ASXL2: variants seen among roughly 807,000 people sequenced by gnomAD.
ASXL2 encodes the protein putative Polycomb group protein ASXL2.
A neutral mutation model predicts 122.0 loss-of-function variants in ASXL2; 23 were observed. The observed-to-expected ratio is 0.19, with a 90% CI of 0.14 to 0.27. The LOEUF (loss-of-function observed/expected upper bound fraction) is 0.27, where lower values mean the gene tolerates loss of function less well. Ranked by LOEUF, ASXL2 falls within the 10% of genes least tolerant of loss-of-function variation. The pLI is 1.00. For missense variants in ASXL2, 1,518 were observed against 1,713.8 expected (o/e 0.89, Z 2.02); for synonymous variants, 650 against 637.0 (o/e 1.02, Z -0.31).
At chr2:25,768,956 C>CCTAA in intron 6 of ASXL2, 88 bp from the exon 7 acceptor site, 11 of 1,396,396 alleles carry the variant, frequency 7.9e-6, no homozygotes, top group Non-Finnish European at 9.6e-6. Flanking sequence ...TGGCAAGAAG[C>CCTAA]ATGCTGATCG....
Position 25,771,458 on chromosome 2 carries a change from G to A in ASXL2, c.486C>T (p.Ser162=). 6.2e-7 allele frequency: 1 copy of A among 1,613,310 alleles called. No individual in the cohort carries two copies. The highest frequency in any genetic ancestry group is 8.5e-7 in the Non-Finnish European group (1 of 1,179,460). Reference sequence around the variant, plus strand: ...TGCTTACCTGCTTTAGTGCCTTCTTGCTGTGCTTCTGTGATGGAGAAATGA... The same window carrying A: ...TGCTTACCTGCTTTAGTGCCTTCTTACTGTGCTTCTGTGATGGAGAAATGA... ...GKVISPSQKH[S]KKALKQALKQ... Residue 162 remains serine, a synonymous_variant, in exon 6 of 13, where the codon AGC becomes AGT. Transcript: ENST00000435504.
Position 25,739,369 on chromosome 2 carries a change from G to GT in ASXL2, c.*2659dup, listed in dbSNP as rs776553926. On this transcript the variant is annotated 3_prime_UTR_variant, in exon 13 of 13. Coordinates refer to ENST00000435504, the MANE Select transcript of ASXL2 (RefSeq NM_018263.6). ...TTTCTAAAAGGCCAGATTGTAATGT[G>GT]TTTTTTTTTTTTTTAATTTTTCTGT... 10,693 of 157,988 alleles carry GT rather than the reference G, an allele frequency of 0.068. 292 individuals are homozygous for GT. Among genetic ancestry groups the GT allele is most frequent in the African/African-American group, 0.11 (4,322 of 39,482 alleles). 9.8% of individuals were successfully genotyped at this position (157,988 alleles called of 1,614,324 possible).
chr2:25,814,205 C>A (rs1341972304), intron 3 of ASXL2, among the ~76,000 whole-genome samples: 1 of 152,002 alleles, frequency 6.6e-6, no homozygotes, highest in African/African-American at 2.4e-5. Flanking sequence ...TAGGCATGAT[C>A]TCAGGAAAAT....
intron 5 of ASXL2, among the ~76,000 whole-genome samples, chr2:25,797,228 C>T (rs535417509): frequency 2.0e-5 from 3 of 152,022 alleles, no homozygotes; most frequent in South Asian, 4.2e-4. Context: ...GGGTGGATCA[C>T]GAGGTCAGGA....
chr2:25,758,817 T>C (rs2088186345), intron 9 of ASXL2, among the ~76,000 whole-genome samples: 1 of 152,184 alleles, frequency 6.6e-6, no homozygotes, highest in East Asian at 1.9e-4. Flanking sequence ...GTTCATACCA[T>C]GTTGTATTGT....
chr2:25,785,368 G>A (rs940058893), intron 5 of ASXL2, among the ~76,000 whole-genome samples: 4 of 151,910 alleles, frequency 2.6e-5, no homozygotes, highest in African/African-American at 9.7e-5. Flanking sequence ...GGGATTACAG[G>A]CACCCGCCTC....
At chr2:25,769,866 T>C (rs372871680) in intron 6 of ASXL2, among the ~76,000 whole-genome samples, 15 of 152,216 alleles carry the variant, frequency 9.9e-5, no homozygotes, top group African/African-American at 3.1e-4. Flanking sequence ...GGCTATGCTA[T>C]AGGCACAGTG....
intron 5 of ASXL2, 122 bp from the exon 6 acceptor site, chr2:25,771,662 G>T: frequency 1.3e-6 from 1 of 766,930 alleles, no homozygotes; most frequent in Non-Finnish European, 2.0e-6. Flanking sequence ...TGGGAACGAT[G>T]TACTTTTTGG....
chr2:25,787,368 C>T (rs2088764806), intron 5 of ASXL2, among the ~76,000 whole-genome samples: 1 of 152,182 alleles, frequency 6.6e-6, no homozygotes, highest in Admixed American at 6.5e-5. Context: ...ATAGGATACA[C>T]CTGGGCCTGT....
intron 2 of ASXL2, among the ~76,000 whole-genome samples, chr2:25,845,076 T>G (rs756735074): frequency 6.6e-6 from 1 of 152,228 alleles, no homozygotes; most frequent in Non-Finnish European, 1.5e-5. Context: ...TCTTTTTCAT[T>G]TTATCCTTTT....
intron 3 of ASXL2, among the ~76,000 whole-genome samples, chr2:25,817,765 C>T (rs1316066992): frequency 2.6e-5 from 4 of 152,122 alleles, no homozygotes; most frequent in South Asian, 2.1e-4. Context: ...AAGACTTTCA[C>T]TTAAAAAGAC....
In ASXL2 at chr2:25,833,063, G is replaced by A. The variant is rs2089472736; in HGVS notation, c.143+2475C>T. ...AGGGAAGTACATGTGGTTTTAAAAG[G>A]GGAACACAAGGGATATTTGTTGAAA... is the stretch of plus-strand genomic sequence containing the variant. On this transcript the variant is annotated intron_variant, in intron 3 of 12. Transcript: ENST00000435504. Among the ~76,000 whole-genome samples the A allele has an allele frequency of 2.0e-5, 3 of 152,138 alleles. No individual in the cohort carries two copies. In the South Asian group the frequency reaches 6.2e-4, roughly 32 times the overall value.
At chr2:25,828,824 C>CAA (rs1031358836) in intron 3 of ASXL2, among the ~76,000 whole-genome samples, 5,574 of 49,730 alleles carry the variant, frequency 0.11, 753 homozygotes, top group African/African-American at 0.23. Flanking sequence ...GACTGTGTCT[C>CAA]AAAAAAAAAA....
Position 25,870,193 on chromosome 2 carries a change from TAGTC to T in ASXL2, c.57+7969_57+7972del, listed in dbSNP as rs1400505220. Among the ~76,000 whole-genome samples the T allele has an allele frequency of 4.6e-5, 7 of 152,260 alleles. No homozygotes were observed. The East Asian group carries it at 9.7e-4, about 21-fold the overall frequency. ...TGTAATACAGCCTGGGTGGGGAACA[TAGTC>T]AGCCCCCATCTGTACAAAAAATAAA... On this transcript the variant is annotated intron_variant, in intron 1 of 12. Transcript: ENST00000435504.
At chr2:25,835,632 C>T in intron 2 of ASXL2, 92 bp from the exon 3 acceptor site, 4 of 235,256 alleles carry the variant, frequency 1.7e-5, no homozygotes, top group South Asian at 1.6e-4. Flanking sequence ...AAAAATTAAA[C>T]TGTCCCTTCC....
intron 1 of ASXL2, among the ~76,000 whole-genome samples, chr2:25,852,764 T>C (rs2089731784): frequency 6.6e-6 from 1 of 152,196 alleles, no homozygotes; most frequent in South Asian, 2.1e-4. Flanking sequence ...GACAAAAGTA[T>C]TCTAAGGTTT....
chr2:25,769,767 T>C (rs995884884), intron 6 of ASXL2, among the ~76,000 whole-genome samples: 2 of 152,190 alleles, frequency 1.3e-5, no homozygotes, highest in African/African-American at 2.4e-5. Flanking sequence ...GACTGTCATG[T>C]AGCAAAGTGT....
Position 25,799,424 on chromosome 2 carries a change from T to C in ASXL2, c.364A>G (p.Ser122Gly), listed in dbSNP as rs2088961814. 1 of 1,613,910 alleles carries C rather than the reference T, an allele frequency of 6.2e-7. No individual in the cohort carries two copies. The highest frequency in any genetic ancestry group is 8.5e-7 in the Non-Finnish European group (1 of 1,179,888). Residue 122 changes from serine to glycine, a missense_variant, in exon 5 of 13, where the codon AGC becomes GGC. Around this residue, in one of 8 missense-constraint regions of ASXL2, gnomAD observed 198 missense variants for 209.0 expected, o/e 0.95. Transcript: ENST00000435504. ...CTGCTCTTTTTTCCCTCCTTGTTGCTGCCACCATCACTGCTGCTGCTGCTG... is the reference window on the plus strand; with the variant it reads ...CTGCTCTTTTTTCCCTCCTTGTTGCCGCCACCATCACTGCTGCTGCTGCTG... ...ENSSSSSDGG[S>G]NKEGKKSRWK...
At chr2:25,841,416 T>C (rs1019749100) in intron 2 of ASXL2, among the ~76,000 whole-genome samples, 1 of 152,178 alleles carries the variant, frequency 6.6e-6, no homozygotes, top group African/African-American at 2.4e-5. Context: ...TTTTAAATAC[T>C]TGTTATGCAT....
Sources: gnomAD v4.1 joint callset for allele counts (sites outside exome capture counted in the v4.1 genomes callset) on GRCh38, gnomAD v4.1.1 for gene constraint, gnomAD v4.1.1 regional missense constraint, MANE v1.5 for transcripts, NCBI Gene and HGNC (gene_info 2026-07-23, HGNC 2026-07-21) for gene names.